Variants in SMAP1 observed in about 807,000 individuals in gnomAD.
SMAP1 encodes the protein stromal membrane-associated protein 1.
SMAP1 carries 24 observed loss-of-function variants against 58.5 expected under a neutral mutation model. The observed-to-expected ratio is 0.41, with a 90% confidence interval of 0.30 to 0.58. The LOEUF is 0.58. Among genes scored for constraint, SMAP1 ranks in the 20% least tolerant of loss-of-function variants. The pLI, the probability that SMAP1 is intolerant of heterozygous loss-of-function variation, is 0.29. For missense variants in SMAP1, 563 were observed against 566.3 expected (o/e 0.99, Z 0.06); for synonymous variants, 216 against 196.6 (o/e 1.10, Z -0.82).
At chr6:70,798,791 C>T in intron 6 of SMAP1, 54 bp downstream of exon 6, 1 of 1,295,474 alleles carries the variant, frequency 7.7e-7, no homozygotes. Flanking sequence ...TATTTGTATA[C>T]TTATATATTA....
At chr6:70,780,875 C>T (rs888524335) in intron 4 of SMAP1, among the ~76,000 whole-genome samples, 8 of 152,144 alleles carry the variant, frequency 5.3e-5, no homozygotes, top group Admixed American at 5.2e-4. Context: ...TTTGCTTCCT[C>T]TTCTGTGAAA....
In SMAP1 at chr6:70,769,629, A is replaced by T. The variant is rs981948672; in HGVS notation, c.339-3721A>T. 5.2e-4 allele frequency among the ~76,000 whole-genome samples: 79 copies of T among 152,012 alleles called. 1 individual carries two copies. Among genetic ancestry groups the T allele is most frequent in the Middle Eastern group, 3.4e-3 (1 of 294 alleles). On this transcript the variant is annotated intron_variant, in intron 3 of 10. Coordinates refer to ENST00000370455, the MANE Select transcript of SMAP1 (RefSeq NM_001044305.3). ...GGTAGATCTTCCTCCATCCCTTTAT[A>T]TTGAGCCTATGTGTGTCTCTGCATG...
At chr6:70,707,940 A>G (rs1322634430) in intron 1 of SMAP1, among the ~76,000 whole-genome samples, 3 of 152,214 alleles carry the variant, frequency 2.0e-5, no homozygotes, top group African/African-American at 7.2e-5. Context: ...ACCACTTTCC[A>G]TAGTCAACAT....
At chr6:70,708,455 A>C (rs553293482) in intron 1 of SMAP1, among the ~76,000 whole-genome samples, 88 of 152,346 alleles carry the variant, frequency 5.8e-4, no homozygotes, top group African/African-American at 2.1e-3. Flanking sequence ...GTCTCTATGA[A>C]GTGCTGATTT....
At chr6:70,696,302 CCTTTG>C (rs1767402417) in intron 1 of SMAP1, among the ~76,000 whole-genome samples, 1 of 151,938 alleles carries the variant, frequency 6.6e-6, no homozygotes. Flanking sequence ...GCTTGGTTTG[CCTTTG>C]CTTTGCTAGT....
chr6:70,693,406 C>T (rs925298020), intron 1 of SMAP1, among the ~76,000 whole-genome samples: 2 of 149,878 alleles, frequency 1.3e-5, no homozygotes, highest in South Asian at 4.3e-4. Flanking sequence ...CAGGTTCAAG[C>T]GATTCTCCTG....
chr6:70,717,877 G>A lies in SMAP1; in HGVS notation c.119-14501G>A, dbSNP rs144626965. Among the ~76,000 whole-genome samples, 776 of 152,220 alleles carry A rather than the reference G, an allele frequency of 5.1e-3. 9 individuals are homozygous for A. Among genetic ancestry groups the A allele is most frequent in the African/African-American group, 0.018 (734 of 41,530 alleles). ...CTTAGAAGATTAAATACTTGATGAT[G>A]AGAAAATAATATATTGAATTTCAGG... On this transcript the variant is annotated intron_variant, in intron 1 of 10. Coordinates refer to ENST00000370455, the MANE Select transcript of SMAP1 (RefSeq NM_001044305.3).
At chr6:70,727,003 T>C (rs534325232) in intron 1 of SMAP1, among the ~76,000 whole-genome samples, 1 of 152,046 alleles carries the variant, frequency 6.6e-6, no homozygotes, top group South Asian at 2.1e-4. Context: ...ACAGTATAGC[T>C]GAAACTCTTC....
chr6:70,859,388 G>A lies in SMAP1; in HGVS notation c.1270-812G>A, dbSNP rs947367226. The A allele has an allele frequency of 1.0e-5, 16 of 1,548,760 alleles. 1 individual carries two copies. The Admixed American group carries it at 1.6e-4, about 15-fold the overall frequency. ...CCATCAGTGCAATCTACTGGCCAAT[G>A]ACAAGGTGGTTAAAATGTCCTTTAG... On this transcript the variant is annotated intron_variant, in intron 10 of 10. Transcript: ENST00000370455.
chr6:70,811,645 T>A (rs1769393635), intron 6 of SMAP1, among the ~76,000 whole-genome samples: 1 of 152,140 alleles, frequency 6.6e-6, no homozygotes, highest in Non-Finnish European at 1.5e-5. Context: ...ATGATTTGCA[T>A]ATAACTTATT....
chr6:70,838,867 G>A (rs1431664353), intron 7 of SMAP1, among the ~76,000 whole-genome samples: 17 of 152,148 alleles, frequency 1.1e-4, no homozygotes, highest in Non-Finnish European at 2.4e-4. Flanking sequence ...TTATTGTGGC[G>A]GTTGTGCTGA....
intron 3 of SMAP1, among the ~76,000 whole-genome samples, chr6:70,766,860 C>T (rs1767011027): frequency 1.3e-5 from 2 of 152,028 alleles, no homozygotes; most frequent in South Asian, 2.1e-4. Context: ...GGTTTTCTTC[C>T]AGGGCTTTTA....
chr6:70,670,984 A>T (rs1322707563), intron 1 of SMAP1, among the ~76,000 whole-genome samples: 1 of 152,194 alleles, frequency 6.6e-6, no homozygotes, highest in African/African-American at 2.4e-5. Context: ...ACAACTGGAG[A>T]ATTTAAGAAC....
chr6:70,799,059 A>G (rs1228670282), intron 6 of SMAP1, among the ~76,000 whole-genome samples: 1 of 152,158 alleles, frequency 6.6e-6, no homozygotes, highest in Admixed American at 6.5e-5. Context: ...TGAAGAGAAC[A>G]TAAATGAAAG....
intron 2 of SMAP1, among the ~76,000 whole-genome samples, chr6:70,750,030 T>C (rs989418653): frequency 1.3e-5 from 2 of 152,216 alleles, no homozygotes; most frequent in Non-Finnish European, 2.9e-5. Context: ...AGGTGGTATG[T>C]CATTTATTTT....
intron 4 of SMAP1, among the ~76,000 whole-genome samples, chr6:70,788,811 A>G (rs568541553): frequency 6.6e-4 from 101 of 152,286 alleles, no homozygotes; most frequent in Non-Finnish European, 8.7e-4. Context: ...GTCCTTATAT[A>G]ATGTATATAA....
chr6:70,817,796 GT>G (rs1562182509), intron 6 of SMAP1, among the ~76,000 whole-genome samples: 4 of 152,086 alleles, frequency 2.6e-5, no homozygotes, highest in African/African-American at 9.7e-5. Context: ...ATCAAAATCT[GT>G]AAGGGGCTAA....
intron 6 of SMAP1, among the ~76,000 whole-genome samples, chr6:70,800,306 A>G (rs1768788971): frequency 6.6e-6 from 1 of 152,038 alleles, no homozygotes; most frequent in Non-Finnish European, 1.5e-5. Flanking sequence ...AAAAAAATAC[A>G]GAAGGGAATA....
chr6:70,792,547 A>G (rs534312272), intron 5 of SMAP1, among the ~76,000 whole-genome samples: 191 of 152,190 alleles, frequency 1.3e-3, no homozygotes, highest in African/African-American at 4.4e-3. Flanking sequence ...ATGGGCTGTG[A>G]TTGAGGTACG....
Sources: gnomAD v4.1 joint callset for allele counts (sites outside exome capture counted in the v4.1 genomes callset) on GRCh38, gnomAD v4.1.1 for gene constraint, MANE v1.5 for transcripts, NCBI Gene and HGNC (gene_info 2026-07-23, HGNC 2026-07-21) for gene names.